SGF29: variants seen among roughly 807,000 people sequenced by gnomAD.
SGF29 encodes the protein SAGA-associated factor 29.
SGF29 carries 15 observed loss-of-function variants against 38.1 expected under a neutral mutation model. That is an observed-to-expected ratio of 0.39 (90% CI 0.26 to 0.61). The LOEUF is 0.61. SGF29 is among the 20% of genes least tolerant of loss of function. The pLI is 0.49. For missense variants in SGF29, 184 were observed against 394.6 expected, an observed-to-expected ratio of 0.47 and a Z score of 4.52; for synonymous variants, 151 against 160.8, an observed-to-expected ratio of 0.94 and a Z score of 0.46.
At chr16:28,564,419 C>A (rs539697726) in intron 1 of SGF29, among the ~76,000 whole-genome samples, 34 of 150,048 alleles carry the variant, frequency 2.3e-4, no homozygotes, top group Admixed American at 1.8e-3. Flanking sequence ...GAGAAGGAGG[C>A]GGCAACAAAC....
chr16:28,565,141 C>G (rs1596598406), intron 1 of SGF29, among the ~76,000 whole-genome samples: 1 of 152,146 alleles, frequency 6.6e-6, no homozygotes, highest in Non-Finnish European at 1.5e-5. Context: ...GCTGGTCCCC[C>G]TTCTTCCGCC....
chr16:28,588,952 T>C, intron 4 of SGF29, 148 bp from the exon 5 acceptor site: 1 of 764,224 alleles, frequency 1.3e-6, no homozygotes, highest in Non-Finnish European at 2.2e-6. Flanking sequence ...CACCTGTCAT[T>C]CCACCTGCGC....
intron 1 of SGF29, among the ~76,000 whole-genome samples, chr16:28,557,991 T>C (rs994323022): frequency 3.3e-4 from 45 of 138,074 alleles, no homozygotes; most frequent in South Asian, 4.5e-4. Context: ...TTTTTTTTTT[T>C]CAGAGACGGG....
In SGF29 at chr16:28,591,598, T is replaced by C; in HGVS notation, c.774T>C (p.Asp258=). The C allele has an allele frequency of 6.2e-6, 10 of 1,613,104 alleles. No homozygotes were observed. Among genetic ancestry groups the C allele is most frequent in the Non-Finnish European group, 8.5e-6 (10 of 1,179,108 alleles). The change falls in exon 10 of 10, where the codon GAT becomes GAC. Residue 258 remains aspartate, a synonymous_variant. Coordinates refer to ENST00000317058, the MANE Select transcript of SGF29 (RefSeq NM_138414.3). ...GTCTGCCTGCCCCACAGCCCCAGGA[T>C]GACTACTCGGTCCTGTTTGAAGACA... ...LIHAPPQRPQ[D]DYSVLFEDTS...
At chr16:28,584,788 C>CAAAA (rs377573618) in intron 2 of SGF29, 125 bp from the exon 3 acceptor site, 21 of 417,962 alleles carry the variant, frequency 5.0e-5, no homozygotes, top group African/African-American at 1.1e-4. Flanking sequence ...GACTCCATCT[C>CAAAA]AAAAAAAAAA....
At chr16:28,564,685 GTGTATATATATGTATATATATACA>G (rs2046819283) in intron 1 of SGF29, among the ~76,000 whole-genome samples, 3 of 71,188 alleles carry the variant, frequency 4.2e-5, no homozygotes, top group East Asian at 7.1e-4. Flanking sequence ...GTATATATAT[GTGTATATATATGTATATATATACA>G]TATATATGTA....
chr16:28,569,472 C>A (rs997542414), intron 1 of SGF29, among the ~76,000 whole-genome samples: 1 of 151,890 alleles, frequency 6.6e-6, no homozygotes, highest in Admixed American at 6.6e-5. Flanking sequence ...CCAGCCTGGG[C>A]AACATGGTGC....
chr16:28,566,469 T>G (rs536622267), intron 1 of SGF29, among the ~76,000 whole-genome samples: 1 of 151,812 alleles, frequency 6.6e-6, no homozygotes, highest in Non-Finnish European at 1.5e-5. Context: ...GGGAACAGTG[T>G]GAACATAGGG....
At chr16:28,586,174 G>T (rs2151653096) in intron 4 of SGF29, among the ~76,000 whole-genome samples, 1 of 152,168 alleles carries the variant, frequency 6.6e-6, no homozygotes, top group African/African-American at 2.4e-5. Context: ...TGTAAGCTTG[G>T]CTGGGAAGTC....
rs1042984139 is a variant in SGF29 at position 28,567,328 on chromosome 16, G to A, written c.-16+13231G>A. 2.6e-5 allele frequency among the ~76,000 whole-genome samples: 4 copies of A among 152,272 alleles called. No homozygotes were observed. The South Asian group carries it at 8.3e-4, about 32-fold the overall frequency. On this transcript the variant is annotated intron_variant, in intron 1 of 9. Transcript: ENST00000317058. The stretch of plus-strand genomic sequence containing the variant: ...GAAACATATTGCTCATAGTTTTGAA[G>A]GTGCCATCTTTGAAGCACAGAGCAA...
chr16:28,559,962 T>C (rs781411224), intron 1 of SGF29, among the ~76,000 whole-genome samples: 2 of 152,146 alleles, frequency 1.3e-5, no homozygotes, highest in African/African-American at 2.4e-5. Flanking sequence ...GGCCTGGGCA[T>C]GGTGTCTTAT....
chr16:28,570,496 G>A (rs1301231503), intron 1 of SGF29, among the ~76,000 whole-genome samples: 1 of 151,960 alleles, frequency 6.6e-6, no homozygotes, highest in Non-Finnish European at 1.5e-5. Context: ...AGGATGAATT[G>A]TACTTTGAGT....
At chr16:28,554,233 A>AGG (rs902412744) in intron 1 of SGF29, 136 bp downstream of exon 1, 1 of 17,066 alleles carries the variant, frequency 5.9e-5, no homozygotes. Flanking sequence ...TCTGGGCGGG[A>AGG]GGGGGGCGGG....
intron 1 of SGF29, among the ~76,000 whole-genome samples, chr16:28,557,641 G>A (rs895861850): frequency 6.6e-6 from 1 of 152,152 alleles, no homozygotes; most frequent in Non-Finnish European, 1.5e-5. Flanking sequence ...GAATTGGGGG[G>A]ACATGCTCGT....
At chr16:28,564,517 A>G (rs983797396) in intron 1 of SGF29, among the ~76,000 whole-genome samples, 1 of 137,152 alleles carries the variant, frequency 7.3e-6, no homozygotes, top group South Asian at 2.2e-4. Context: ...GTGTATATAT[A>G]TATGTGTGTG....
chr16:28,572,461 G>T (rs1415470237), intron 1 of SGF29, among the ~76,000 whole-genome samples: 3 of 151,876 alleles, frequency 2.0e-5, no homozygotes, highest in Non-Finnish European at 2.9e-5. Context: ...TAGATACAGG[G>T]TTTCACCATG....
intron 1 of SGF29, among the ~76,000 whole-genome samples, chr16:28,554,351 A>G (rs545838731): frequency 6.6e-6 from 1 of 151,436 alleles, no homozygotes; most frequent in Non-Finnish European, 1.5e-5. Flanking sequence ...ATCCCCGGCG[A>G]GGGTGGGAAA....
At chr16:28,569,952 A>G (rs1261500243) in intron 1 of SGF29, among the ~76,000 whole-genome samples, 1 of 152,218 alleles carries the variant, frequency 6.6e-6, no homozygotes, top group Non-Finnish European at 1.5e-5. Context: ...AGAATACACA[A>G]GCTGTAGGGG....
At chr16:28,563,603 C>T (rs977670036) in intron 1 of SGF29, among the ~76,000 whole-genome samples, 1 of 151,814 alleles carries the variant, frequency 6.6e-6, no homozygotes, top group African/African-American at 2.4e-5. Context: ...AACTAGTTGC[C>T]TGTAGCGATA....
Sources: gnomAD v4.1 joint callset for allele counts (sites outside exome capture counted in the v4.1 genomes callset) on GRCh38, gnomAD v4.1.1 for gene constraint, MANE v1.5 for transcripts, NCBI Gene and HGNC (gene_info 2026-07-23, HGNC 2026-07-21) for gene names.